Variants in ZFP82 observed in about 807,000 individuals in gnomAD.
ZFP82 encodes ZFP82 zinc finger protein.
ZFP82 carries 30 observed loss-of-function variants against 54.0 expected under a neutral mutation model. The ratio of observed to expected loss-of-function variants is 0.56; its 90% CI spans 0.42 to 0.75. The LOEUF is 0.75. ZFP82 is among the 30% of genes least tolerant of loss of function. The pLI, the probability that ZFP82 is intolerant of heterozygous loss-of-function variation, is 0.00. For synonymous variants in ZFP82, 194 were observed against 209.5 expected, an observed-to-expected ratio of 0.93 and a Z score of 0.64; for missense variants, 500 against 636.8, an observed-to-expected ratio of 0.79 and a Z score of 2.31.
chr19:36,402,747 G>A (rs1047910107), intron 4 of ZFP82, among the ~76,000 whole-genome samples: 3 of 152,130 alleles, frequency 2.0e-5, no homozygotes, highest in Admixed American at 6.5e-5. Flanking sequence ...TGTAATTCCA[G>A]TACTCTGGGA....
At chr19:36,413,288 G>A (rs1462842664) in intron 1 of ZFP82, among the ~76,000 whole-genome samples, 1 of 152,114 alleles carries the variant, frequency 6.6e-6, no homozygotes, top group Non-Finnish European at 1.5e-5. Context: ...GCAGACACCT[G>A]TAATCCCAGC....
chr19:36,390,442 T>A lies in ZFP82; in HGVS notation c.*2299A>T, dbSNP rs745901364. The A allele has an allele frequency of 2.6e-5, 4 of 152,072 alleles. No individual in the cohort carries two copies. The highest frequency in any genetic ancestry group is 4.4e-5 in the Non-Finnish European group (3 of 68,024). 9.4% of individuals were successfully genotyped at this position (152,072 alleles called of 1,614,324 possible). ...TTGCTTCTTTGTGTTGTTAATTTGT[T>A]CTTTTATTCCCCATGTTTCCTGTAA... On this transcript the variant is annotated 3_prime_UTR_variant, in exon 5 of 5. Transcript: ENST00000392161.
chr19:36,408,197 C>T (rs1302366983), intron 2 of ZFP82, among the ~76,000 whole-genome samples, 184 bp from the exon 3 acceptor site: 2 of 152,056 alleles, frequency 1.3e-5, no homozygotes, highest in African/African-American at 4.8e-5. Flanking sequence ...CCTGGGTTCC[C>T]GAAGGATTCT....
Position 36,407,876 on chromosome 19 carries a change from G to A in ZFP82, c.136+11C>T, listed in dbSNP as rs2032511367. The A allele has an allele frequency of 1.9e-6, 3 of 1,612,834 alleles. No homozygotes were observed. The highest frequency in any genetic ancestry group is 2.5e-6 in the Non-Finnish European group (3 of 1,179,364). ...AACACAGTCTAAATTCCTAGAAGCAGATAACCTTACCCAGTGAGACCAAGT... is the reference window on the plus strand; with the variant it reads ...AACACAGTCTAAATTCCTAGAAGCAAATAACCTTACCCAGTGAGACCAAGT... On this transcript the variant is annotated intron_variant, in intron 3 of 4. Coordinates refer to ENST00000392161, the MANE Select transcript of ZFP82 (RefSeq NM_133466.4).
In ZFP82 at chr19:36,390,560, T is replaced by C. The variant is rs2032179874; in HGVS notation, c.*2181A>G. 2.6e-5 allele frequency: 4 copies of C among 152,150 alleles called. No homozygotes were observed. Among genetic ancestry groups the C allele is most frequent in the Admixed American group, 2.6e-4 (4 of 15,282 alleles). 9.4% of individuals were successfully genotyped at this position (152,150 alleles called of 1,614,324 possible). A position where few individuals can be genotyped will look rare whatever the true frequency, so the allele number is the denominator to read the frequency against. On this transcript the variant is annotated 3_prime_UTR_variant, in exon 5 of 5. Transcript: ENST00000392161. ...GTGTCCACTGTGTGTATCCATTTCA[T>C]CACATCAAGTTCATCTGGCTGATCT... is the stretch of plus-strand genomic sequence containing the variant.
intron 1 of ZFP82, among the ~76,000 whole-genome samples, chr19:36,411,445 G>A (rs1324686711): frequency 6.6e-6 from 1 of 152,024 alleles, no homozygotes; most frequent in Non-Finnish European, 1.5e-5. Context: ...AGCATGAGAG[G>A]AAATGAACAT....
chr19:36,406,684 T>C (rs1459946596), intron 3 of ZFP82, among the ~76,000 whole-genome samples: 6 of 152,256 alleles, frequency 3.9e-5, no homozygotes, highest in South Asian at 2.1e-4. Context: ...CATCTTTGTA[T>C]AGACACATTT....
chr19:36,401,424 A>G (rs1354774631), intron 4 of ZFP82, among the ~76,000 whole-genome samples: 1 of 152,112 alleles, frequency 6.6e-6, no homozygotes, highest in Non-Finnish European at 1.5e-5. Flanking sequence ...TTCTGCTTCT[A>G]TTCACCCAGT....
At chr19:36,415,891 T>C (rs1278331860) in intron 1 of ZFP82, among the ~76,000 whole-genome samples, 2 of 152,230 alleles carry the variant, frequency 1.3e-5, no homozygotes, top group Non-Finnish European at 2.9e-5. Context: ...ACTCTCAAGA[T>C]TCTTCTATGA....
At chr19:36,384,546 T>C (rs1213316057), downstream of ZFP82, 6 of 152,248 alleles carry the variant, frequency 3.9e-5, no homozygotes, top group African/African-American at 1.4e-4. Flanking sequence ...TTCATATTGA[T>C]AGGCACATAA....
downstream of ZFP82, among the ~76,000 whole-genome samples, chr19:36,388,619 T>C (rs1430431587): frequency 6.6e-6 from 1 of 152,190 alleles, no homozygotes; most frequent in African/African-American, 2.4e-5. Flanking sequence ...CCTCATTATG[T>C]AGCTATTTCA....
At chr19:36,412,801 T>G (rs1337881622) in intron 1 of ZFP82, among the ~76,000 whole-genome samples, 1 of 152,204 alleles carries the variant, frequency 6.6e-6, no homozygotes, top group Non-Finnish European at 1.5e-5. Flanking sequence ...GACCTGACAA[T>G]GCTTGCTACA....
At chr19:36,412,434 T>C (rs932295905) in intron 1 of ZFP82, among the ~76,000 whole-genome samples, 2 of 152,232 alleles carry the variant, frequency 1.3e-5, no homozygotes, top group Non-Finnish European at 2.9e-5. Context: ...CTCAATATCC[T>C]ACAAGCAGCT....
intron 4 of ZFP82, among the ~76,000 whole-genome samples, chr19:36,401,480 C>A (rs2032383689): frequency 6.6e-6 from 1 of 152,118 alleles, no homozygotes; most frequent in South Asian, 2.1e-4. Context: ...TCACTCCTTC[C>A]CACTTAGTTC....
Position 36,391,578 on chromosome 19 carries a change from C to T in ZFP82, c.*1163G>A, listed in dbSNP as rs1358686396. On this transcript the variant is annotated 3_prime_UTR_variant, in exon 5 of 5. Transcript: ENST00000392161. ...AACTCTTGGGTTCAAATGATCCTCC[C>T]ACCTCAGCCTCGAGTAGCTAGGACT... 1 of 152,030 alleles carries T rather than the reference C, an allele frequency of 6.6e-6. No homozygotes were observed. The highest frequency in any genetic ancestry group is 2.4e-5 in the African/African-American group (1 of 41,366). 9.4% of individuals were successfully genotyped at this position (152,030 alleles called of 1,614,324 possible).
chr19:36,396,843 T>TAA lies in ZFP82; in HGVS notation c.230-2735_230-2734dup, dbSNP rs5827958. The stretch of plus-strand genomic sequence containing the variant: ...GTGACAGAGCAAGACTCTGTTTCTT[T>TAA]AAAAAAAAAAAAAAAATTAAGCCTA... On this transcript the variant is annotated intron_variant, in intron 4 of 4. Coordinates refer to ENST00000392161, the MANE Select transcript of ZFP82 (RefSeq NM_133466.4). 1.4e-3 allele frequency among the ~76,000 whole-genome samples: 200 copies of TAA among 141,054 alleles called. 2 individuals carry two copies. In the South Asian group the frequency reaches 0.019, roughly 14 times the overall value. The allele number at this position is 141,054 out of a possible 152,430, so 92.5% of individuals were successfully genotyped here.
chr19:36,388,556 G>A (rs900836733), downstream of ZFP82, among the ~76,000 whole-genome samples: 2 of 151,508 alleles, frequency 1.3e-5, no homozygotes, highest in South Asian at 2.1e-4. Flanking sequence ...TAGTAATACT[G>A]AAACATTGAA....
At chr19:36,416,901 G>C (rs1302065197) in intron 1 of ZFP82, among the ~76,000 whole-genome samples, 1 of 149,074 alleles carries the variant, frequency 6.7e-6, no homozygotes, top group Non-Finnish European at 1.5e-5. Context: ...GGTAAAACCC[G>C]GTCTGTACTA....
intron 1 of ZFP82, among the ~76,000 whole-genome samples, chr19:36,411,031 A>G (rs2032570514): frequency 6.6e-6 from 1 of 152,016 alleles, no homozygotes; most frequent in Non-Finnish European, 1.5e-5. Flanking sequence ...TGTCTCTACT[A>G]AAAATACAAA....
Sources: allele counts gnomAD v4.1 joint callset (sites outside exome capture counted in the v4.1 genomes callset), GRCh38; gene constraint gnomAD v4.1.1; transcripts MANE v1.5; gene names NCBI Gene and HGNC (gene_info 2026-07-23, HGNC 2026-07-21).